DOC2B: variants seen among roughly 807,000 people sequenced by gnomAD.
DOC2B encodes the protein double C2-like domain-containing protein beta.
DOC2B carries 21 observed loss-of-function variants against 28.9 expected under a neutral mutation model. That is an observed-to-expected ratio of 0.73 (90% CI 0.52 to 1.05). The LOEUF (loss-of-function observed/expected upper bound fraction) is 1.05. Among genes scored for constraint, DOC2B ranks in the 50% least tolerant of loss-of-function variants. The pLI is 0.00. For missense variants in DOC2B, 384 were observed against 421.1 expected (o/e 0.91, Z 0.77); for synonymous variants, 194 against 178.1 (o/e 1.09, Z -0.71).
intron 6 of DOC2B, among the ~76,000 whole-genome samples, chr17:151,007 T>C (rs940213579): frequency 6.6e-6 from 1 of 152,162 alleles, no homozygotes; most frequent in Non-Finnish European, 1.5e-5. Flanking sequence ...AGTGGTTGCC[T>C]GGGGCCAGGG....
In DOC2B at chr17:181,067, C is replaced by T. The variant is rs1394657366; in HGVS notation, c.373+40G>A. On this transcript the variant is annotated intron_variant, in intron 1 of 8. Transcript: ENST00000613549. This position sits in a 1 kb window ranked among gnomAD's most constrained non-coding sequence, Gnocchi z 7.0. ...AGGCCGTGGGGGGGCCGAGCCCGAG[C>T]CAGGGGAGGGGGCGCGAAGTCGGCG... 9 of 1,222,190 alleles carry T rather than the reference C, an allele frequency of 7.4e-6. No homozygotes were observed. The highest frequency in any genetic ancestry group is 1.6e-5 in the African/African-American group (1 of 63,038). The allele number at this position is 1,222,190 out of a possible 1,614,324, so 75.7% of individuals were successfully genotyped here.
rs1609552 is a variant in DOC2B at position 145,310 on chromosome 17, C to T, written c.*2131G>A. The stretch of plus-strand genomic sequence containing the variant: ...AGGGAAGGGACTGGGGGTACCGACC[C>T]CCAGAGAGAGAAAGCGGCAGTCAGA... On this transcript the variant is annotated 3_prime_UTR_variant, in exon 9 of 9. Transcript: ENST00000613549. The T allele has an allele frequency of 0.37, 56,601 of 152,072 alleles. 10,646 individuals are homozygous for T. Among genetic ancestry groups the T allele is most frequent in the Non-Finnish European group, 0.4 (27,059 of 68,036 alleles). 9.4% of individuals were successfully genotyped at this position (152,072 alleles called of 1,614,324 possible).
In DOC2B at chr17:181,647, G is replaced by A; in HGVS notation, c.-168C>T. ...CCGCTCCGCTGCGGACGGCGCGAGC[G>A]AGTGCCAGAGGCCGGCAGGCAGGGG... On this transcript the variant is annotated 5_prime_UTR_variant, in exon 1 of 9. Transcript: ENST00000613549. The surrounding 1 kb of genome is among the most constrained non-coding windows in gnomAD (Gnocchi z 7.0). 1 of 173,620 alleles carries A rather than the reference G, an allele frequency of 5.8e-6. No individual in the cohort carries two copies. The highest frequency in any genetic ancestry group is 1.1e-5 in the Non-Finnish European group (1 of 89,652). 10.8% of individuals were successfully genotyped at this position (173,620 alleles called of 1,614,324 possible).
At position 165,072 on chromosome 17, in the gene DOC2B, G is replaced by A. The variant is rs576007940; in HGVS notation, c.454-868C>T. 2.1e-4 allele frequency among the ~76,000 whole-genome samples: 32 copies of A among 152,274 alleles called. 1 individual carries two copies. In the South Asian group the frequency reaches 5.6e-3, roughly 27 times the overall value. On this transcript the variant is annotated intron_variant, in intron 2 of 8. Transcript: ENST00000613549. ...ACGGAGCTCTGGGGGATGCGGCAGG[G>A]GCTTCCAACCACCTACTTCCCTGCC...
rs920333115 is a variant in DOC2B, at chr17:147,555, G to A, written c.1125C>T (p.His375=). 19 of 398,864 alleles carry A rather than the reference G, an allele frequency of 4.8e-5. No homozygotes were observed. Among genetic ancestry groups the A allele is most frequent in the South Asian group, 1.3e-4 (1 of 7,858 alleles). 24.7% of individuals were successfully genotyped at this position (398,864 alleles called of 1,614,324 possible). A position where few individuals can be genotyped will look rare whatever the true frequency, so the allele number is the denominator to read the frequency against. ...DFIGGVVLGI[H]AKGERLKHWF... Reference sequence around the variant, plus strand: ...AGTGCTTCAGGCGCTCCCCCTTGGCGTGGATGCCCAGAACCACACCACCTG... The same window carrying A: ...AGTGCTTCAGGCGCTCCCCCTTGGCATGGATGCCCAGAACCACACCACCTG... Residue 375 remains histidine, a synonymous_variant, in exon 9 of 9, where the codon CAC becomes CAT. Coordinates refer to ENST00000613549, the MANE Select transcript of DOC2B (RefSeq NM_003585.5).
At position 179,820 on chromosome 17, in the gene DOC2B, G is replaced by A. The variant is rs146394593; in HGVS notation, c.373+1287C>T. On this transcript the variant is annotated intron_variant, in intron 1 of 8. Coordinates refer to ENST00000613549, the MANE Select transcript of DOC2B (RefSeq NM_003585.5). ...TTCATGTGCCAGGCGCTGGCCCGAG[G>A]GCCGTGGTCCAGGCCTCTAGAAAGT... 6.1e-3 allele frequency among the ~76,000 whole-genome samples: 935 copies of A among 152,408 alleles called. 9 individuals are homozygous for A. The highest frequency in any genetic ancestry group is 0.024 in the Middle Eastern group (7 of 294).
intron 6 of DOC2B, among the ~76,000 whole-genome samples, chr17:154,789 G>GTGA (rs1384465881): frequency 6.6e-6 from 1 of 152,136 alleles, no homozygotes; most frequent in Non-Finnish European, 1.5e-5. Flanking sequence ...GAGTGCAGTG[G>GTGA]TGTGATCTCG....
chr17:147,495 G>C lies in DOC2B; in HGVS notation c.1185C>G (p.Ile395Met), dbSNP rs1296771889. 2.8e-5 allele frequency: 11 copies of C among 398,710 alleles called. No homozygotes were observed. The highest frequency in any genetic ancestry group is 4.9e-5 in the Non-Finnish European group (11 of 226,214). The allele number at this position is 398,710 out of a possible 1,614,324, so 24.7% of individuals were successfully genotyped here. ...FDCLKNKDKR[I>M]ERWHTLTSEL... ...CGCTGGTGAGCGTGTGCCAGCGCTC[G>C]ATGCGCTTGTCCTTGTTCTTCAGGC... The change falls in exon 9 of 9, where the codon ATC becomes ATG. Residue 395 changes from isoleucine (I) to methionine (M), a missense_variant. Coordinates refer to ENST00000613549, the MANE Select transcript of DOC2B (RefSeq NM_003585.5).
chr17:147,815 T>A (rs1597812886), intron 8 of DOC2B, among the ~76,000 whole-genome samples: 1 of 151,914 alleles, frequency 6.6e-6, no homozygotes, highest in South Asian at 2.1e-4. Context: ...GCATCAGGGG[T>A]CAAGGAATGG....
chr17:155,239 T>G (rs1017148617), intron 6 of DOC2B, among the ~76,000 whole-genome samples: 2 of 152,238 alleles, frequency 1.3e-5, no homozygotes, highest in African/African-American at 4.8e-5. Flanking sequence ...GCAATCCTCC[T>G]GCCTTGGCCT....
intron 1 of DOC2B, among the ~76,000 whole-genome samples, chr17:173,316 C>T (rs1353234369): frequency 6.6e-6 from 1 of 152,160 alleles, no homozygotes; most frequent in Non-Finnish European, 1.5e-5. Flanking sequence ...GCTTTCCATG[C>T]AGAAGCGGCT....
intron 5 of DOC2B, among the ~76,000 whole-genome samples, chr17:160,928 C>T (rs931953119): frequency 3.3e-5 from 5 of 152,134 alleles, no homozygotes; most frequent in South Asian, 2.1e-4. Context: ...CCTGTCCACC[C>T]GTGGTCCCTG....
chr17:154,148 C>T (rs896474953), intron 6 of DOC2B, among the ~76,000 whole-genome samples: 5 of 151,682 alleles, frequency 3.3e-5, no homozygotes, highest in Non-Finnish European at 4.4e-5. Flanking sequence ...ATTCCACGCA[C>T]CTGCTACACT....
intron 8 of DOC2B, among the ~76,000 whole-genome samples, 175 bp downstream of exon 8, chr17:147,998 C>A (rs1232314329): frequency 6.6e-6 from 1 of 152,166 alleles, no homozygotes; most frequent in Non-Finnish European, 1.5e-5. Flanking sequence ...CTCCTTCCAT[C>A]CCTGGGCCTG....
chr17:144,055 C>T lies in DOC2B; in HGVS notation c.*3386G>A, dbSNP rs1206147827. 1 of 88,426 alleles carries T rather than the reference C, an allele frequency of 1.1e-5. No homozygotes were observed. Among genetic ancestry groups the T allele is most frequent in the Non-Finnish European group, 2.1e-5 (1 of 47,342 alleles). The allele number at this position is 88,426 out of a possible 1,614,324, so 5.5% of individuals were successfully genotyped here. A position where few individuals can be genotyped will look rare whatever the true frequency, so the allele number is the denominator to read the frequency against. On this transcript the variant is annotated 3_prime_UTR_variant, in exon 9 of 9. Transcript: ENST00000613549. ...CTTCGGGGCTGGAAGACGGGCCCGTCGGGGATTGGCGCAGGCGGCGGGCGG... is the reference window on the plus strand; with the variant it reads ...CTTCGGGGCTGGAAGACGGGCCCGTTGGGGATTGGCGCAGGCGGCGGGCGG...
In DOC2B at chr17:169,369, C is replaced by CTGT. The variant is rs1044622572; in HGVS notation, c.453+3165_453+3167dup. ...GGGCCAGGGGAGGAGGAAGGGGGAG[C>CTGT]TGTTGTTTAATGGGTCCAGTTTAGT... On this transcript the variant is annotated intron_variant, in intron 2 of 8. Transcript: ENST00000613549. Among the ~76,000 whole-genome samples, 147 of 151,608 alleles carry CTGT rather than the reference C, an allele frequency of 9.7e-4. 1 individual carries two copies. Among genetic ancestry groups the CTGT allele is most frequent in the African/African-American group, 3.3e-3 (136 of 41,276 alleles).
chr17:145,873 C>T lies in DOC2B; in HGVS notation c.*1568G>A, dbSNP rs2040014851. 1 of 152,590 alleles carries T rather than the reference C, an allele frequency of 6.6e-6. No homozygotes were observed. Among genetic ancestry groups the T allele is most frequent in the African/African-American group, 2.4e-5 (1 of 41,450 alleles). The allele number at this position is 152,590 out of a possible 1,614,324, so 9.5% of individuals were successfully genotyped here. On this transcript the variant is annotated 3_prime_UTR_variant, in exon 9 of 9. Transcript: ENST00000613549. ...TCCAGCTGTGTGGGGCCTGGAAGGC[C>T]CTGGGCAGGTCACCTGACCTCTCTG...
Position 146,603 on chromosome 17 carries a change from T to A in DOC2B, c.*838A>T, listed in dbSNP as rs2040021079. On this transcript the variant is annotated 3_prime_UTR_variant, in exon 9 of 9. Coordinates refer to ENST00000613549, the MANE Select transcript of DOC2B (RefSeq NM_003585.5). The stretch of plus-strand genomic sequence containing the variant: ...GCACCCCGGCCCCATTGGCTTTCTC[T>A]CTCCAGGCGTTTTAGACCACTCCCA... 6.6e-6 allele frequency: 1 copy of A among 152,176 alleles called. No individual in the cohort carries two copies. The allele number at this position is 152,176 out of a possible 1,614,324, so 9.4% of individuals were successfully genotyped here.
At chr17:150,704 CAT>C (rs1235294390) in intron 6 of DOC2B, among the ~76,000 whole-genome samples, 1 of 152,170 alleles carries the variant, frequency 6.6e-6, no homozygotes, top group African/African-American at 2.4e-5. Flanking sequence ...GAAATGAAGA[CAT>C]ATGTCCACAC....
Sources: allele counts gnomAD v4.1 joint callset (sites outside exome capture counted in the v4.1 genomes callset), GRCh38; gene constraint gnomAD v4.1.1; non-coding constraint Gnocchi (gnomAD v3.1); transcripts MANE v1.5; gene names NCBI Gene and HGNC (gene_info 2026-07-23, HGNC 2026-07-21).